DNAH12: variants seen among roughly 807,000 people sequenced by gnomAD.
DNAH12 encodes the protein axonemal beta dynein heavy chain 12.
DNAH12 carries 285 observed loss-of-function variants against 371.5 expected under a neutral mutation model. The observed-to-expected ratio is 0.77, with a 90% CI of 0.70 to 0.85. DNAH12 has a LOEUF of 0.85. DNAH12 is among the 40% of genes least tolerant of loss of function. DNAH12 has a pLI of 0.00. For missense variants in DNAH12, 3,611 were observed against 3,689.4 expected (o/e 0.98, Z 0.55); for synonymous variants, 1,200 against 1,213.0 (o/e 0.99, Z 0.22).
At chr3:57,361,306 G>T (rs947534715) in intron 58 of DNAH12, among the ~76,000 whole-genome samples, 3 of 151,200 alleles carry the variant, frequency 2.0e-5, no homozygotes, top group Non-Finnish European at 4.4e-5. Context: ...CTGAGATCAC[G>T]CCACTGCACT....
chr3:57,463,280 G>GAAA (rs373199007), intron 17 of DNAH12, among the ~76,000 whole-genome samples: 7 of 136,358 alleles, frequency 5.1e-5, no homozygotes, highest in East Asian at 2.1e-4. Context: ...TCTCTATTTA[G>GAAA]AAAAAAAAAA....
At position 57,359,559 on chromosome 3, in the gene DNAH12, C is replaced by CAAAAA. The variant is rs1268515074; in HGVS notation, c.9361-2216_9361-2212dup. On this transcript the variant is annotated intron_variant, in intron 58 of 73. Transcript: ENST00000495027. ...GGGCAACAAGAGCGAAACTCCATCT[C>CAAAAA]AAAAAAAAAAAAAAAAAAAAAGAAA... 3.4e-3 allele frequency among the ~76,000 whole-genome samples: 239 copies of CAAAAA among 70,812 alleles called. 1 individual carries two copies. The highest frequency in any genetic ancestry group is 5.1e-3 in the Non-Finnish European group (177 of 34,660). 46.5% of individuals were successfully genotyped at this position (70,812 alleles called of 152,430 possible).
intron 11 of DNAH12, chr3:57,493,619 G>A (rs989029579): frequency 2.0e-5 from 3 of 151,808 alleles, no homozygotes; most frequent in Non-Finnish European, 2.9e-5. Context: ...ATGCATATTA[G>A]AAAAAAACAC....
At chr3:57,424,552 T>A (rs1356666816) in intron 35 of DNAH12, among the ~76,000 whole-genome samples, 2 of 144,166 alleles carry the variant, frequency 1.4e-5, no homozygotes, top group Non-Finnish European at 1.5e-5. Context: ...CCGATGCGGG[T>A]GGATCACGAG....
chr3:57,509,079 GTTTA>G, intron 6 of DNAH12, 57 bp downstream of exon 6: 1 of 1,403,788 alleles, frequency 7.1e-7, no homozygotes, highest in East Asian at 2.3e-5. Flanking sequence ...GGTAAGATCA[GTTTA>G]TTTTTTATCT....
At position 57,509,153 on chromosome 3, in the gene DNAH12, G is replaced by A. The variant is rs2067889334; in HGVS notation, c.529C>T (p.Pro177Ser). Residue 177 changes from proline to serine, a missense_variant, in exon 6 of 74, where the codon CCT becomes TCT. Coordinates refer to ENST00000495027, the MANE Select transcript of DNAH12 (RefSeq NM_001366028.2). ...TAATTTACTCACACAGGAGATTCAGGTAAAGGACCTCCTTCATCTTCAAGC... is the reference window on the plus strand; with the variant it reads ...TAATTTACTCACACAGGAGATTCAGATAAAGGACCTCCTTCATCTTCAAGC... ...KSLEDEGGPL[P>S]ESPVGLDYSN... 2 of 1,613,048 alleles carry A rather than the reference G, an allele frequency of 1.2e-6. No individual in the cohort carries two copies. Among genetic ancestry groups the A allele is most frequent in the South Asian group, 1.1e-5 (1 of 90,778 alleles).
At chr3:57,326,363 G>A (rs570603840) in intron 62 of DNAH12, among the ~76,000 whole-genome samples, 22 of 152,068 alleles carry the variant, frequency 1.4e-4, no homozygotes, top group African/African-American at 4.8e-4. Context: ...CTGAGCTCTC[G>A]GCAGAAACTC....
In DNAH12 at chr3:57,302,529, G is replaced by GTTTTTATATATATATATATATA. The variant is rs879293648; in HGVS notation, c.11190-591_11190-590insTATATATATATATATATAAAAA. ...TGCTGAATTAACTAAGGCATCAGGT[G>GTTTTTATATATATATATATATA]TATATATATATATATATATATATAT... On this transcript the variant is annotated intron_variant, in intron 69 of 73. Transcript: ENST00000495027. Among the ~76,000 whole-genome samples the GTTTTTATATATATATATATATA allele has an allele frequency of 3.3e-4, 16 of 47,850 alleles. 1 individual carries two copies. Among genetic ancestry groups the GTTTTTATATATATATATATATA allele is most frequent in the African/African-American group, 9.4e-4 (11 of 11,764 alleles). The allele number at this position is 47,850 out of a possible 152,430, so 31.4% of individuals were successfully genotyped here.
chr3:57,362,928 C>T (rs2062969240), intron 58 of DNAH12, among the ~76,000 whole-genome samples: 1 of 152,170 alleles, frequency 6.6e-6, no homozygotes, highest in East Asian at 1.9e-4. Flanking sequence ...GTGTTTTAGT[C>T]ATGAAGTCCT....
intron 4 of DNAH12, among the ~76,000 whole-genome samples, chr3:57,513,103 A>G (rs1224240503): frequency 1.3e-5 from 2 of 151,150 alleles, no homozygotes; most frequent in Non-Finnish European, 2.9e-5. Flanking sequence ...GCACCACTGC[A>G]CTCCAGCCTG....
At chr3:57,340,772 T>C (rs1028829616) in intron 60 of DNAH12, among the ~76,000 whole-genome samples, 2 of 152,096 alleles carry the variant, frequency 1.3e-5, no homozygotes, top group South Asian at 2.1e-4. Context: ...TTCCCAAAAA[T>C]TGAAGGGGAG....
At chr3:57,414,161 TTTTA>T (rs2064294076) in intron 38 of DNAH12, among the ~76,000 whole-genome samples, 2 of 151,388 alleles carry the variant, frequency 1.3e-5, no homozygotes, top group Non-Finnish European at 2.9e-5. Context: ...ATGTGTGTGT[TTTTA>T]TTTATTCATA....
intron 2 of DNAH12, among the ~76,000 whole-genome samples, chr3:57,529,763 T>C (rs1428148056): frequency 6.6e-6 from 1 of 152,184 alleles, no homozygotes; most frequent in East Asian, 1.9e-4. Context: ...ATTATTTCTT[T>C]TCTTCAGCTA....
At chr3:57,443,148 C>G (rs928682114) in intron 29 of DNAH12, among the ~76,000 whole-genome samples, 3 of 152,088 alleles carry the variant, frequency 2.0e-5, no homozygotes, top group African/African-American at 7.2e-5. Context: ...CTTGCTCTGT[C>G]GCACAGGCTG....
chr3:57,324,709 G>C (rs2061892549), intron 62 of DNAH12, among the ~76,000 whole-genome samples: 2 of 152,226 alleles, frequency 1.3e-5, no homozygotes, highest in Admixed American at 6.5e-5. Flanking sequence ...GGGAGTGCCA[G>C]ACAGTGGGCG....
rs932323172 is a variant in DNAH12, at chr3:57,393,365, C to G, written c.7110+806G>C. ...TAAAGTGGCCGGGCGAGGTGGCTCA[C>G]GCCTGTAATCCCAGCACTTTGGGGG... is the stretch of plus-strand genomic sequence containing the variant. On this transcript the variant is annotated intron_variant, in intron 44 of 73. Coordinates refer to ENST00000495027, the MANE Select transcript of DNAH12 (RefSeq NM_001366028.2). Among the ~76,000 whole-genome samples, 10 of 151,872 alleles carry G rather than the reference C, an allele frequency of 6.6e-5. No individual in the cohort carries two copies. The East Asian group carries it at 1.9e-3, about 29-fold the overall frequency.
chr3:57,382,825 T>C (rs1253150334), intron 49 of DNAH12, among the ~76,000 whole-genome samples: 2 of 152,198 alleles, frequency 1.3e-5, no homozygotes, highest in Non-Finnish European at 2.9e-5. Flanking sequence ...ACCTATTTTC[T>C]AAAAAGGTAT....
At chr3:57,345,983 C>T (rs898189630) in intron 60 of DNAH12, among the ~76,000 whole-genome samples, 1 of 152,012 alleles carries the variant, frequency 6.6e-6, no homozygotes, top group Non-Finnish European at 1.5e-5. Flanking sequence ...TGGACTGCTG[C>T]AGTTGAAACC....
At chr3:57,512,830 A>G (rs1336151921) in intron 4 of DNAH12, among the ~76,000 whole-genome samples, 2 of 152,162 alleles carry the variant, frequency 1.3e-5, no homozygotes, top group Non-Finnish European at 2.9e-5. Context: ...CATCAATGAT[A>G]GACTGGATAA....
Sources: allele counts gnomAD v4.1 joint callset (sites outside exome capture counted in the v4.1 genomes callset), GRCh38; gene constraint gnomAD v4.1.1; transcripts MANE v1.5; gene names NCBI Gene and HGNC (gene_info 2026-07-23, HGNC 2026-07-21).